COG7: variants seen among roughly 807,000 people sequenced by gnomAD.
COG7 encodes the protein conserved oligomeric Golgi complex subunit 7.
COG7 carries 49 observed loss-of-function variants against 91.5 expected under a neutral mutation model. The observed-to-expected ratio is 0.54, with a 90% CI of 0.43 to 0.68. COG7 has a LOEUF of 0.68. Among genes scored for constraint, COG7 ranks in the 30% least tolerant of loss-of-function variants. The pLI is 0.00. For missense variants in COG7, 895 were observed against 961.3 expected (o/e 0.93, Z 0.91); for synonymous variants, 365 against 388.7 (o/e 0.94, Z 0.72).
intron 4 of COG7, among the ~76,000 whole-genome samples, chr16:23,436,083 T>A (rs1033035179): frequency 5.3e-5 from 8 of 151,768 alleles, no homozygotes; most frequent in African/African-American, 1.9e-4. Flanking sequence ...ATAGAAAAAA[T>A]TAGCTGGGCA....
At chr16:23,395,802 G>A (rs999912806) in intron 14 of COG7, among the ~76,000 whole-genome samples, 1 of 152,338 alleles carries the variant, frequency 6.6e-6, no homozygotes, top group Non-Finnish European at 1.5e-5. Context: ...TCCTGGTTGG[G>A]TTAACTCACT....
chr16:23,417,408 T>C (rs1963675065), intron 8 of COG7: 6 of 447,590 alleles, frequency 1.3e-5, no homozygotes, highest in Non-Finnish European at 2.5e-5. Context: ...ATTATTAAGA[T>C]GGCATCTCTT....
At chr16:23,393,049 T>C (rs1200979127) in intron 15 of COG7, among the ~76,000 whole-genome samples, 184 bp downstream of exon 15, 1 of 152,090 alleles carries the variant, frequency 6.6e-6, no homozygotes, top group African/African-American at 2.4e-5. Context: ...GGGATGTGGT[T>C]ATAGATTTTT....
Position 23,388,991 on chromosome 16 carries a change from T to C in COG7, c.2242A>G (p.Arg748Gly). 6 of 1,614,116 alleles carry C rather than the reference T, an allele frequency of 3.7e-6. No individual in the cohort carries two copies. In the African/African-American group the frequency reaches 8.0e-5, roughly 22 times the overall value. ...TLLKTRPEDYRQVSKGLPRRL... is the reference protein window; with the variant it reads ...TLLKTRPEDYGQVSKGLPRRL... ...CGGGGCAGGCCTTTGCTGACCTGTC[T>C]ATAGTCCTCAGGCCTGGTCTTCAGT... is the stretch of plus-strand genomic sequence containing the variant. Residue 748 changes from arginine to glycine, a missense_variant, in exon 17 of 17, where the codon AGA becomes GGA. By Grantham distance (125) the Arg-to-Gly change is moderately radical (BLOSUM62 -2). Transcript: ENST00000307149.
At chr16:23,408,342 G>A (rs1341069496) in intron 11 of COG7, among the ~76,000 whole-genome samples, 1 of 39,462 alleles carries the variant, frequency 2.5e-5, no homozygotes, top group African/African-American at 1.3e-4. Context: ...CGAGTGGGGC[G>A]GGAGGTAGGG....
intron 6 of COG7, 86 bp from the exon 7 acceptor site, chr16:23,425,033 G>C (rs1400189575): frequency 3.4e-6 from 4 of 1,160,572 alleles, no homozygotes; most frequent in Non-Finnish European, 3.8e-6. Flanking sequence ...TGAGATGCCA[G>C]GCACGGTGGC....
At chr16:23,442,352 A>T (rs1176605014) in intron 4 of COG7, 125 bp downstream of exon 4, 2 of 961,320 alleles carry the variant, frequency 2.1e-6, no homozygotes, top group African/African-American at 1.7e-5. Flanking sequence ...AAAAAAAAAA[A>T]ATTACAGAGT....
intron 6 of COG7, among the ~76,000 whole-genome samples, chr16:23,430,212 T>C (rs1273482734): frequency 6.6e-6 from 1 of 152,168 alleles, no homozygotes; most frequent in Non-Finnish European, 1.5e-5. Context: ...GAGGATCACT[T>C]GAGCCCAGGA....
At chr16:23,412,523 T>A (rs1023069380) in intron 10 of COG7, 1 of 152,242 alleles carries the variant, frequency 6.6e-6, no homozygotes, top group African/African-American at 2.4e-5. Context: ...CAGCTGGACA[T>A]GTCAAGGACC....
Position 23,392,455 on chromosome 16 carries a change from G to C in COG7, c.2071C>G (p.Gln691Glu). ...WLGSIARATM[Q>E]TYCDAILQIP... ...TGTAGGATCGCATCACAGTAGGTCTGCATTGTGGCTCTGGCGATCGAGCCC... is the reference window on the plus strand; with the variant it reads ...TGTAGGATCGCATCACAGTAGGTCTCCATTGTGGCTCTGGCGATCGAGCCC... The change falls in exon 16 of 17, where the codon CAG (glutamine) becomes GAG (glutamate). Residue 691 changes from glutamine (Q) to glutamate (E), a missense_variant. By Grantham distance (29) the Gln-to-Glu change is conservative. Transcript: ENST00000307149. 2 of 1,614,216 alleles carry C rather than the reference G, an allele frequency of 1.2e-6. No individual in the cohort carries two copies. The highest frequency in any genetic ancestry group is 8.5e-7 in the Non-Finnish European group (1 of 1,180,046).
intron 13 of COG7, 125 bp from the exon 14 acceptor site, chr16:23,398,254 G>A (rs1963317011): frequency 7.8e-6 from 6 of 770,072 alleles, no homozygotes; most frequent in Admixed American, 2.0e-5. Flanking sequence ...GGAGCTGACC[G>A]TTGGAGCCTC....
chr16:23,416,193 C>T (rs1963650638), intron 9 of COG7: 1 of 152,194 alleles, frequency 6.6e-6, no homozygotes, highest in African/African-American at 2.4e-5. Context: ...TCATGCCTAC[C>T]TGATTTTTGC....
intron 7 of COG7, among the ~76,000 whole-genome samples, chr16:23,419,761 A>AG: frequency 6.6e-6 from 1 of 150,908 alleles, no homozygotes; most frequent in East Asian, 2.0e-4. Flanking sequence ...AAAAAAAAAA[A>AG]AAAAAAGAAC....
chr16:23,393,127 C>G, intron 15 of COG7, 106 bp downstream of exon 15: 1 of 789,350 alleles, frequency 1.3e-6, no homozygotes, highest in Admixed American at 2.0e-5. Context: ...TAAAAAAAAA[C>G]AGGACTTGGT....
intron 5 of COG7, 37 bp from the exon 6 acceptor site, chr16:23,433,704 G>A (rs749069162): frequency 2.0e-5 from 32 of 1,612,020 alleles, no homozygotes; most frequent in African/African-American, 8.0e-5. Flanking sequence ...TATTGGGTAC[G>A]TCAACATAGG....
chr16:23,424,297 C>CAAAAAAAAA lies in COG7; in HGVS notation c.1009+443_1009+451dup, dbSNP rs398042083. ...GGGCAACAAGAGCGAAACTCCATCT[C>CAAAAAAAAA]AAAAAAAAAAAAAAAAAAAAAGCCC... is the stretch of plus-strand genomic sequence containing the variant. On this transcript the variant is annotated intron_variant, in intron 7 of 16. Coordinates refer to ENST00000307149, the MANE Select transcript of COG7 (RefSeq NM_153603.4). 4.1e-5 allele frequency among the ~76,000 whole-genome samples: 2 copies of CAAAAAAAAA among 48,668 alleles called. 1 individual carries two copies. The highest frequency in any genetic ancestry group is 7.9e-5 in the Non-Finnish European group (2 of 25,380). 31.9% of individuals were successfully genotyped at this position (48,668 alleles called of 152,430 possible).
chr16:23,406,187 G>C lies in COG7; in HGVS notation c.1551C>G (p.Ile517Met), dbSNP rs1467719951. The stretch of plus-strand genomic sequence containing the variant: ...TGGCAGAGTTCTTCTTGTCTGTCAA[G>C]ATGCTCTCCTGAAAACCAGCCAGGC... ...PRSLAGFQES[I>M]LTDKKNSAKN... The change falls in exon 12 of 17, where the codon ATC becomes ATG. Residue 517 changes from isoleucine (I) to methionine (M), a missense_variant. Physicochemically the swap from Ile to Met is conservative, Grantham distance 10. Coordinates refer to ENST00000307149, the MANE Select transcript of COG7 (RefSeq NM_153603.4). 2 of 1,614,066 alleles carry C rather than the reference G, an allele frequency of 1.2e-6. No individual in the cohort carries two copies. The highest frequency in any genetic ancestry group is 1.7e-6 in the Non-Finnish European group (2 of 1,179,982).
chr16:23,424,670 G>A lies in COG7; in HGVS notation c.1009+79C>T, dbSNP rs543786308. The stretch of plus-strand genomic sequence containing the variant: ...TCTGTAAAATCAGTCATCTGAAAAG[G>A]CAAACAAATCCAGGCCCCAGAAGCT... On this transcript the variant is annotated intron_variant, in intron 7 of 16. Coordinates refer to ENST00000307149, the MANE Select transcript of COG7 (RefSeq NM_153603.4). The A allele has an allele frequency of 1.3e-5, 19 of 1,459,206 alleles. No individual in the cohort carries two copies. The African/African-American group carries it at 2.1e-4, about 16-fold the overall frequency. The allele number at this position is 1,459,206 out of a possible 1,614,324, so 90.4% of individuals were successfully genotyped here.
chr16:23,391,775 G>A (rs534000082), intron 16 of COG7: 8 of 176,468 alleles, frequency 4.5e-5, no homozygotes, highest in Admixed American at 4.3e-4. Flanking sequence ...CATGCTCAGA[G>A]TACACCTGGG....
Sources: allele counts gnomAD v4.1 joint callset (sites outside exome capture counted in the v4.1 genomes callset), GRCh38; gene constraint gnomAD v4.1.1; transcripts MANE v1.5; gene names NCBI Gene and HGNC (gene_info 2026-07-23, HGNC 2026-07-21).